RANBP17: variants seen among roughly 807,000 people sequenced by gnomAD.
RANBP17 encodes ran-binding protein 17.
RANBP17 carries 158 observed loss-of-function variants against 141.2 expected under a neutral mutation model. That is an observed-to-expected ratio of 1.12 (90% CI 0.98 to 1.28). The LOEUF (loss-of-function observed/expected upper bound fraction) is 1.28. RANBP17 is among the 50% of genes most tolerant of loss of function. RANBP17 has a pLI of 0.00. For synonymous variants in RANBP17, 430 were observed against 450.0 expected (o/e 0.96, Z 0.56); for missense variants, 1,438 against 1,290.7 (o/e 1.11, Z -1.75).
chr5:171,177,102 A>T (rs986265409), intron 16 of RANBP17, among the ~76,000 whole-genome samples: 2 of 152,190 alleles, frequency 1.3e-5, no homozygotes, highest in Non-Finnish European at 2.9e-5. Flanking sequence ...TTCAGCTTAC[A>T]TCCCTCAGGC....
At chr5:170,938,118 C>T (rs1473567375) in intron 12 of RANBP17, among the ~76,000 whole-genome samples, 1 of 152,128 alleles carries the variant, frequency 6.6e-6, no homozygotes, top group Non-Finnish European at 1.5e-5. Flanking sequence ...CGGGGTGGGA[C>T]GGGTCAAACA....
intron 14 of RANBP17, among the ~76,000 whole-genome samples, chr5:171,169,568 A>G (rs1759950592): frequency 6.6e-6 from 1 of 152,170 alleles, no homozygotes; most frequent in African/African-American, 2.4e-5. Context: ...TGAGCTTGGG[A>G]TTTCAGTGTC....
intron 14 of RANBP17, among the ~76,000 whole-genome samples, chr5:171,155,514 C>A (rs891454223): frequency 1.3e-5 from 2 of 151,992 alleles, no homozygotes; most frequent in Non-Finnish European, 2.9e-5. Flanking sequence ...TGATGTTATA[C>A]AATTATGATT....
At position 171,074,540 on chromosome 5, in the gene RANBP17, C is replaced by T. The variant is rs1784804463; in HGVS notation, c.1711-95590C>T. Among the ~76,000 whole-genome samples the T allele has an allele frequency of 3.3e-5, 5 of 152,230 alleles. No individual in the cohort carries two copies. The Middle Eastern group carries it at 0.014, about 414-fold the overall frequency. ...GTACCTTGATTATGGAAGATGCTAACGTTAGGAGAAGCTCAATAGAGGATA... is the reference window on the plus strand; with the variant it reads ...GTACCTTGATTATGGAAGATGCTAATGTTAGGAGAAGCTCAATAGAGGATA... On this transcript the variant is annotated intron_variant, in intron 14 of 27. Coordinates refer to ENST00000523189, the MANE Select transcript of RANBP17 (RefSeq NM_022897.5).
intron 5 of RANBP17, 89 bp from the exon 6 acceptor site, chr5:170,909,572 T>A: frequency 1.5e-6 from 1 of 660,154 alleles, no homozygotes; most frequent in Non-Finnish European, 2.5e-6. Flanking sequence ...TACTCAAGTT[T>A]ATTTCCTTTT....
rs375370182 is a variant in RANBP17, at chr5:170,887,477, G to A, written c.257-4910G>A. ...AGTTAATTTTTGTGAAGGGCATGTAGTCTATGTCAAGATTCCTTTTTTCCA... is the reference window on the plus strand; with the variant it reads ...AGTTAATTTTTGTGAAGGGCATGTAATCTATGTCAAGATTCCTTTTTTCCA... On this transcript the variant is annotated intron_variant, in intron 3 of 27. Coordinates refer to ENST00000523189, the MANE Select transcript of RANBP17 (RefSeq NM_022897.5). Among the ~76,000 whole-genome samples, 82 of 152,276 alleles carry A rather than the reference G, an allele frequency of 5.4e-4. 1 individual carries two copies. The South Asian group carries it at 0.013, about 23-fold the overall frequency.
At chr5:171,131,783 A>G (rs1214763591) in intron 14 of RANBP17, among the ~76,000 whole-genome samples, 3 of 152,210 alleles carry the variant, frequency 2.0e-5, no homozygotes, top group Admixed American at 1.3e-4. Flanking sequence ...TATCCTGCCT[A>G]TGCTGTCACC....
intron 14 of RANBP17, among the ~76,000 whole-genome samples, chr5:171,010,690 C>CA (rs1472287155): frequency 1.3e-5 from 2 of 151,876 alleles, no homozygotes; most frequent in Non-Finnish European, 2.9e-5. Flanking sequence ...CTATCCCCCA[C>CA]AAAAAACCAG....
chr5:171,254,984 A>G (rs1458465253), intron 24 of RANBP17, among the ~76,000 whole-genome samples: 1 of 152,216 alleles, frequency 6.6e-6, no homozygotes, highest in Non-Finnish European at 1.5e-5. Context: ...GATCTTTAAC[A>G]GGGTCACTTA....
intron 14 of RANBP17, among the ~76,000 whole-genome samples, chr5:171,061,536 A>G (rs1427229814): frequency 2.6e-5 from 4 of 152,092 alleles, no homozygotes; most frequent in Non-Finnish European, 4.4e-5. Context: ...ACAGTTTGTT[A>G]TAATTTCTGA....
chr5:171,042,519 GATTA>G (rs1227530035), intron 14 of RANBP17, among the ~76,000 whole-genome samples: 8 of 152,024 alleles, frequency 5.3e-5, no homozygotes, highest in African/African-American at 1.4e-4. Context: ...TGAAAGAGAT[GATTA>G]ATTAATGCTG....
intron 22 of RANBP17, among the ~76,000 whole-genome samples, chr5:171,231,064 G>C (rs1055755971): frequency 6.7e-6 from 1 of 149,370 alleles, no homozygotes; most frequent in Non-Finnish European, 1.5e-5. Flanking sequence ...AACTTCCTGA[G>C]TAGCTGGGAC....
intron 24 of RANBP17, among the ~76,000 whole-genome samples, chr5:171,261,836 C>T (rs920674800): frequency 1.3e-5 from 2 of 152,158 alleles, no homozygotes; most frequent in Non-Finnish European, 2.9e-5. Context: ...GTAGCTTGAG[C>T]TGCAAATAAA....
intron 18 of RANBP17, among the ~76,000 whole-genome samples, chr5:171,194,740 G>T (rs1361042153): frequency 2.0e-5 from 3 of 152,084 alleles, no homozygotes; most frequent in Non-Finnish European, 4.4e-5. Context: ...AAAATTGTTG[G>T]GTCAACTGGC....
intron 14 of RANBP17, among the ~76,000 whole-genome samples, chr5:171,116,687 C>T (rs528830490): frequency 2.0e-4 from 31 of 152,020 alleles, no homozygotes; most frequent in Non-Finnish European, 4.1e-4. Flanking sequence ...ACAATATCTT[C>T]TATTTAAAAT....
At chr5:171,035,493 G>T (rs915928828) in intron 14 of RANBP17, among the ~76,000 whole-genome samples, 1 of 150,012 alleles carries the variant, frequency 6.7e-6, no homozygotes, top group Non-Finnish European at 1.5e-5. Flanking sequence ...AAATATGCTT[G>T]AACATGTTAA....
At chr5:171,032,570 A>G (rs1284167294) in intron 14 of RANBP17, among the ~76,000 whole-genome samples, 1 of 152,130 alleles carries the variant, frequency 6.6e-6, no homozygotes, top group African/African-American at 2.4e-5. Context: ...TCCCCTGTAT[A>G]TCTGTATAGT....
chr5:171,003,065 A>T (rs1779333170), intron 14 of RANBP17, among the ~76,000 whole-genome samples: 1 of 152,188 alleles, frequency 6.6e-6, no homozygotes. Flanking sequence ...TGTGATTTTG[A>T]GGGCCTCTGA....
At chr5:171,010,871 G>T (rs1042299916) in intron 14 of RANBP17, among the ~76,000 whole-genome samples, 4 of 152,046 alleles carry the variant, frequency 2.6e-5, no homozygotes, top group African/African-American at 9.7e-5. Context: ...ATGGAAACTT[G>T]TAAGTGGGTT....
Sources: gnomAD v4.1 joint callset for allele counts (sites outside exome capture counted in the v4.1 genomes callset) on GRCh38, gnomAD v4.1.1 for gene constraint, MANE v1.5 for transcripts, NCBI Gene and HGNC (gene_info 2026-07-23, HGNC 2026-07-21) for gene names.